SLC8A1: variants seen among roughly 807,000 people sequenced by gnomAD.
SLC8A1 encodes the protein sodium/calcium exchanger 1.
A neutral mutation model predicts 68.3 loss-of-function variants in SLC8A1; 18 were observed. The ratio of observed to expected loss-of-function variants is 0.26; its 90% CI spans 0.18 to 0.39. The LOEUF (loss-of-function observed/expected upper bound fraction) is 0.39. Among genes scored for constraint, SLC8A1 ranks in the 10% least tolerant of loss-of-function variants. The pLI, the probability that SLC8A1 is intolerant of heterozygous loss-of-function variation, is 1.00. For synonymous variants in SLC8A1, 475 were observed against 415.5 expected (o/e 1.14, Z -1.74); for missense variants, 985 against 1,156.7 (o/e 0.85, Z 2.15).
intron 1 of SLC8A1, among the ~76,000 whole-genome samples, chr2:40,485,897 G>C (rs893236116): frequency 5.3e-5 from 8 of 152,104 alleles, no homozygotes; most frequent in Admixed American, 5.2e-4. Context: ...TTTGTTTAAA[G>C]AATAAATTGA....
At chr2:40,262,981 T>A (rs915212923) in intron 2 of SLC8A1, among the ~76,000 whole-genome samples, 2 of 152,232 alleles carry the variant, frequency 1.3e-5, no homozygotes, top group Non-Finnish European at 2.9e-5. Flanking sequence ...CCGTAATTCC[T>A]AAGAAGGTAA....
intron 2 of SLC8A1, among the ~76,000 whole-genome samples, chr2:40,314,984 T>G (rs1220771742): frequency 1.3e-5 from 2 of 152,038 alleles, no homozygotes; most frequent in African/African-American, 4.8e-5. Context: ...GTAATTTTTT[T>G]TCTTGCTTTA....
intron 7 of SLC8A1, among the ~76,000 whole-genome samples, chr2:40,129,044 T>G (rs1193014768): frequency 6.6e-6 from 1 of 152,198 alleles, no homozygotes; most frequent in Non-Finnish European, 1.5e-5. Context: ...TGAAATGTTC[T>G]AAAACTGGAT....
intron 2 of SLC8A1, among the ~76,000 whole-genome samples, chr2:40,270,966 C>T (rs369956437): frequency 7.2e-4 from 109 of 152,280 alleles, no homozygotes; most frequent in African/African-American, 2.5e-3. Context: ...CTGCCACCAT[C>T]GTCATCCTGG....
chr2:40,452,454 C>T (rs1022571061), upstream of SLC8A1, among the ~76,000 whole-genome samples: 2 of 152,176 alleles, frequency 1.3e-5, no homozygotes, highest in African/African-American at 2.4e-5. Context: ...CTGTCTCTCG[C>T]ACCCAGCCCA....
intron 2 of SLC8A1, among the ~76,000 whole-genome samples, chr2:40,310,745 G>A (rs1490740092): frequency 6.6e-6 from 1 of 152,072 alleles, no homozygotes; most frequent in Non-Finnish European, 1.5e-5. Context: ...CCTCCACTCA[G>A]TAGAATACAT....
chr2:40,165,231 AGTAAT>A (rs2046347564), intron 4 of SLC8A1, among the ~76,000 whole-genome samples: 1 of 152,170 alleles, frequency 6.6e-6, no homozygotes, highest in Non-Finnish European at 1.5e-5. Context: ...GTTGAGGAAA[AGTAAT>A]GTATGGGGCA....
intron 2 of SLC8A1, among the ~76,000 whole-genome samples, chr2:40,257,640 C>T (rs922901345): frequency 3.3e-5 from 5 of 152,168 alleles, no homozygotes; most frequent in African/African-American, 1.2e-4. Context: ...TTAATTAAAG[C>T]AATTAATTCC....
At chr2:40,265,190 A>C (rs754210136) in intron 2 of SLC8A1, among the ~76,000 whole-genome samples, 9 of 152,226 alleles carry the variant, frequency 5.9e-5, no homozygotes, top group Non-Finnish European at 1.0e-4. Flanking sequence ...GGCATGCAGC[A>C]TGAGTAAGAA....
chr2:40,130,873 C>G (rs895740574), intron 7 of SLC8A1, among the ~76,000 whole-genome samples: 2 of 152,208 alleles, frequency 1.3e-5, no homozygotes, highest in Non-Finnish European at 2.9e-5. Flanking sequence ...GAAACAGAAG[C>G]ACATTTGGAT....
intron 2 of SLC8A1, among the ~76,000 whole-genome samples, chr2:40,284,717 A>G (rs2068039295): frequency 6.6e-6 from 1 of 151,446 alleles, no homozygotes; most frequent in South Asian, 2.1e-4. Context: ...CTTATTCTAA[A>G]TTCCTAAGTG....
intron 2 of SLC8A1, among the ~76,000 whole-genome samples, chr2:40,384,692 T>C (rs1286078579): frequency 1.3e-5 from 2 of 152,140 alleles, no homozygotes; most frequent in Non-Finnish European, 2.9e-5. Context: ...AGGGAGGTTT[T>C]GTTAAAAAAT....
intron 1 of SLC8A1, among the ~76,000 whole-genome samples, chr2:40,475,866 T>G (rs1481684152): frequency 6.6e-6 from 1 of 152,036 alleles, no homozygotes; most frequent in African/African-American, 2.4e-5. Flanking sequence ...TCTCCTATTT[T>G]CAGTACTATT....
chr2:40,178,721 G>T (rs1222734511), intron 2 of SLC8A1, among the ~76,000 whole-genome samples: 1 of 152,088 alleles, frequency 6.6e-6, no homozygotes, highest in Non-Finnish European at 1.5e-5. Flanking sequence ...AATTATTTTA[G>T]GCAAAATATA....
At chr2:40,129,455 C>T (rs544363758) in intron 7 of SLC8A1, among the ~76,000 whole-genome samples, 91 of 152,146 alleles carry the variant, frequency 6.0e-4, no homozygotes, top group African/African-American at 2.1e-3. Context: ...AGGCTCATCT[C>T]GAACTCCTGG....
At chr2:40,355,432 A>T (rs1288906844) in intron 2 of SLC8A1, among the ~76,000 whole-genome samples, 1 of 152,108 alleles carries the variant, frequency 6.6e-6, no homozygotes, top group Non-Finnish European at 1.5e-5. Context: ...TAGCTCAGCC[A>T]GTGGCTTTCT....
At chr2:40,508,580 T>G (rs1706511390) in intron 1 of SLC8A1, among the ~76,000 whole-genome samples, 1 of 152,134 alleles carries the variant, frequency 6.6e-6, no homozygotes, top group African/African-American at 2.4e-5. Context: ...TTCACATGGA[T>G]TCAAGCTAAG....
At chr2:40,267,904 A>C (rs1438861579) in intron 2 of SLC8A1, among the ~76,000 whole-genome samples, 1 of 152,114 alleles carries the variant, frequency 6.6e-6, no homozygotes, top group African/African-American at 2.4e-5. Flanking sequence ...TAGCTCCCTC[A>C]CTGGGTATGC....
At chr2:40,364,540 AATT>A (rs1405642723) in intron 2 of SLC8A1, among the ~76,000 whole-genome samples, 1 of 151,282 alleles carries the variant, frequency 6.6e-6, no homozygotes, top group African/African-American at 2.4e-5. Flanking sequence ...CTCCCCAGGC[AATT>A]ATTTTGCTCT....
Sources: gnomAD v4.1 joint callset for allele counts (sites outside exome capture counted in the v4.1 genomes callset) on GRCh38, gnomAD v4.1.1 for gene constraint, MANE v1.5 for transcripts, NCBI Gene and HGNC (gene_info 2026-07-23, HGNC 2026-07-21) for gene names.